Variants in NICN1 observed in about 807,000 individuals in gnomAD.
NICN1 encodes the protein nicolin-1.
In NICN1, 18 loss-of-function variants were observed where a neutral mutation model predicts 26.3. The ratio of observed to expected loss-of-function variants is 0.68; its 90% CI spans 0.47 to 1.01. The LOEUF (loss-of-function observed/expected upper bound fraction) is 1.01. Ranked by LOEUF, NICN1 falls within the 50% of genes least tolerant of loss-of-function variation. The pLI is 0.00. For synonymous variants in NICN1, 109 were observed against 111.0 expected (o/e 0.98, Z 0.11); for missense variants, 239 against 278.3 (o/e 0.86, Z 1.00).
Position 49,422,935 on chromosome 3 carries a change from G to T in NICN1, c.*1898C>A. The T allele has an allele frequency of 3.5e-6, 1 of 287,710 alleles. No individual in the cohort carries two copies. Among genetic ancestry groups the T allele is most frequent in the Non-Finnish European group, 7.0e-6 (1 of 143,526 alleles). The allele number at this position is 287,710 out of a possible 1,614,324, so 17.8% of individuals were successfully genotyped here. ...CTCTCCCACCAGGCAGACACAGGCA[G>T]CCAGCAGTCATGCATTCCACAAGTA... is the stretch of plus-strand genomic sequence containing the variant. On this transcript the variant is annotated 3_prime_UTR_variant, in exon 6 of 6. Coordinates refer to ENST00000273598, the MANE Select transcript of NICN1 (RefSeq NM_032316.3).
In NICN1 at chr3:49,424,984, C is replaced by T. The variant is rs1374736804; in HGVS notation, c.565G>A (p.Ala189Thr). Residue 189 changes from alanine (A) to threonine (T), a missense_variant, in exon 5 of 6, where the codon GCC (alanine) becomes ACC (threonine). Physicochemically the swap from Ala to Thr is moderately conservative, Grantham distance 58. Coordinates refer to ENST00000273598, the MANE Select transcript of NICN1 (RefSeq NM_032316.3). ...CCGATCCTTGCGGAGGTGTGACTGGCCCGGATCATCTCTGTCAGTGCCCAC... is the reference window on the plus strand; with the variant it reads ...CCGATCCTTGCGGAGGTGTGACTGGTCCGGATCATCTCTGTCAGTGCCCAC... Reference protein sequence around the residue: ...QMWALTEMIRASHTSARIGRF... With the variant: ...QMWALTEMIRTSHTSARIGRF... The T allele has an allele frequency of 2.5e-6, 4 of 1,613,978 alleles. No individual in the cohort carries two copies. Among genetic ancestry groups the T allele is most frequent in the African/African-American group, 1.3e-5 (1 of 74,896 alleles).
chr3:49,424,687 G>T lies in NICN1; in HGVS notation c.*146C>A. The T allele has an allele frequency of 2.8e-6, 2 of 722,354 alleles. No homozygotes were observed. The highest frequency in any genetic ancestry group is 5.0e-6 in the Non-Finnish European group (2 of 401,824). 44.7% of individuals were successfully genotyped at this position (722,354 alleles called of 1,614,324 possible). On this transcript the variant is annotated 3_prime_UTR_variant, in exon 6 of 6. Transcript: ENST00000273598. ...CTGAAGTAACACGGTAAGCCCCTGA[G>T]AATCCTGAATCTGTGAATGTGGCCC...
In NICN1 at chr3:49,422,618, G is replaced by C; in HGVS notation, c.*2215C>G. 1 of 766,738 alleles carries C rather than the reference G, an allele frequency of 1.3e-6. No individual in the cohort carries two copies. The highest frequency in any genetic ancestry group is 2.3e-6 in the Non-Finnish European group (1 of 442,862). The allele number at this position is 766,738 out of a possible 1,614,324, so 47.5% of individuals were successfully genotyped here. ...GCTGGGATTTAGAGCAGAGAATGCA[G>C]GAACCCGCAACCACAGGGAAGAAGC... On this transcript the variant is annotated 3_prime_UTR_variant, in exon 6 of 6. Transcript: ENST00000273598.
In NICN1 at chr3:49,426,274, T is replaced by G; in HGVS notation, c.287A>C (p.Tyr96Ser). 1.4e-5 allele frequency: 22 copies of G among 1,614,140 alleles called. No homozygotes were observed. The highest frequency in any genetic ancestry group is 1.8e-5 in the Non-Finnish European group (21 of 1,180,024). The change falls in exon 2 of 6, where the codon TAT becomes TCT. Residue 96 changes from tyrosine (Y) to serine (S), a missense_variant. By Grantham distance (144) the Tyr-to-Ser change is moderately radical. Coordinates refer to ENST00000273598, the MANE Select transcript of NICN1 (RefSeq NM_032316.3). ...DPHSEEGAQE[Y>S]VSLFKHQMLC... is the part of the protein sequence containing the mutation. ...GACCTGATGCTTGAACAGCGATACATACTCCTGGGCTCCCTCCTCACTGTG... is the reference window on the plus strand; with the variant it reads ...GACCTGATGCTTGAACAGCGATACAGACTCCTGGGCTCCCTCCTCACTGTG...
In NICN1 at chr3:49,422,958, GTATT is replaced by G; in HGVS notation, c.*1871_*1874del. 1 of 272,332 alleles carries G rather than the reference GTATT, an allele frequency of 3.7e-6. No individual in the cohort carries two copies. Among genetic ancestry groups the G allele is most frequent in the Non-Finnish European group, 7.4e-6 (1 of 135,432 alleles). 16.9% of individuals were successfully genotyped at this position (272,332 alleles called of 1,614,324 possible). On this transcript the variant is annotated 3_prime_UTR_variant, in exon 6 of 6. Transcript: ENST00000273598. ...CAGCCAGCAGTCATGCATTCCACAA[GTATT>G]TATTGATCTTACTGCATACCAGGCC...
In NICN1 at chr3:49,424,759, A is replaced by C; in HGVS notation, c.*74T>G. On this transcript the variant is annotated 3_prime_UTR_variant, in exon 6 of 6. Transcript: ENST00000273598. ...AACACTTGGAATGCACAGGAAATAC[A>C]CTTCAGCCTCTGGTGGCCCAAACCA... 1 of 1,191,310 alleles carries C rather than the reference A, an allele frequency of 8.4e-7. No individual in the cohort carries two copies. The highest frequency in any genetic ancestry group is 1.3e-6 in the Non-Finnish European group (1 of 794,664). 73.8% of individuals were successfully genotyped at this position (1,191,310 alleles called of 1,614,324 possible). A position where few individuals can be genotyped will look rare whatever the true frequency, so the allele number is the denominator to read the frequency against.
chr3:49,425,207 C>T (rs977981994), intron 4 of NICN1, 154 bp from the exon 5 acceptor site: 2 of 820,876 alleles, frequency 2.4e-6, no homozygotes, highest in Non-Finnish European at 4.1e-6. Context: ...TGATGTAGCC[C>T]CACAACAGAG....
chr3:49,426,403 T>C lies in NICN1; in HGVS notation c.158A>G (p.Tyr53Cys). 1.2e-6 allele frequency: 2 copies of C among 1,614,138 alleles called. No homozygotes were observed. The highest frequency in any genetic ancestry group is 2.2e-5 in the South Asian group (2 of 91,086). Reference protein sequence around the residue: ...FELQEITFKNYYTAFLSIRVR... With the variant: ...FELQEITFKNCYTAFLSIRVR... ...ACGGATGCTCAAAAAAGCTGTGTAG[T>C]AATTCTTAAACGTGATTTCCTGCAA... The change falls in exon 2 of 6, where the codon TAC becomes TGC. Residue 53 changes from tyrosine to cysteine, a missense_variant. Coordinates refer to ENST00000273598, the MANE Select transcript of NICN1 (RefSeq NM_032316.3).
Position 49,422,938 on chromosome 3 carries a change from A to G in NICN1, c.*1895T>C. 1 of 289,092 alleles carries G rather than the reference A, an allele frequency of 3.5e-6. No homozygotes were observed. The highest frequency in any genetic ancestry group is 6.9e-6 in the Non-Finnish European group (1 of 144,358). 17.9% of individuals were successfully genotyped at this position (289,092 alleles called of 1,614,324 possible). Reference sequence around the variant, plus strand: ...TCCCACCAGGCAGACACAGGCAGCCAGCAGTCATGCATTCCACAAGTATTT... The same window carrying G: ...TCCCACCAGGCAGACACAGGCAGCCGGCAGTCATGCATTCCACAAGTATTT... On this transcript the variant is annotated 3_prime_UTR_variant, in exon 6 of 6. Transcript: ENST00000273598.
rs966478489 is a variant in NICN1 at position 49,425,555 on chromosome 3, T to A, written c.424-117A>T. 3 of 796,550 alleles carry A rather than the reference T, an allele frequency of 3.8e-6. No individual in the cohort carries two copies. The East Asian group carries it at 8.1e-5, about 21-fold the overall frequency. 49.3% of individuals were successfully genotyped at this position (796,550 alleles called of 1,614,324 possible). A position where few individuals can be genotyped will look rare whatever the true frequency, so the allele number is the denominator to read the frequency against. Reference sequence around the variant, plus strand: ...TGGGCCTCAGACACTGGGAAAACCCTGTTTAGGGAGCCCACAGAGACCTAA... The same window carrying A: ...TGGGCCTCAGACACTGGGAAAACCCAGTTTAGGGAGCCCACAGAGACCTAA... On this transcript the variant is annotated intron_variant, in intron 3 of 5. Transcript: ENST00000273598.
rs2049165762 is a variant in NICN1 at position 49,425,936 on chromosome 3, G to A, written c.370C>T (p.Leu124=). 6.2e-7 allele frequency: 1 copy of A among 1,612,136 alleles called. No homozygotes were observed. Among genetic ancestry groups the A allele is most frequent in the South Asian group, 1.1e-5 (1 of 90,998 alleles). Residue 124 remains leucine (L), a synonymous_variant, in exon 3 of 6, where the codon CTG becomes TTG. Transcript: ENST00000273598. ...TCCTCCACTGTGAAAGACAGCCACA[G>A]TGGTGATGGCTGCCGCAGAATCAGG... ...LRLILRQPSP[L]WLSFTVEELQ... is the part of the protein sequence containing the mutation.
In NICN1 at chr3:49,426,235, C is replaced by A. The variant is rs777595099; in HGVS notation, c.309+17G>T. The A allele has an allele frequency of 6.2e-7, 1 of 1,612,666 alleles. No homozygotes were observed. Among genetic ancestry groups the A allele is most frequent in the Non-Finnish European group, 8.5e-7 (1 of 1,179,288 alleles). ...TCCTCATCTGGGCTGCCCTGGCCAT[C>A]CTGAGGCCCAGCTGACCTGATGCTT... On this transcript the variant is annotated intron_variant, in intron 2 of 5. Transcript: ENST00000273598.
chr3:49,424,741 G>T lies in NICN1; in HGVS notation c.*92C>A. On this transcript the variant is annotated 3_prime_UTR_variant, in exon 6 of 6. Transcript: ENST00000273598. ...CAGAACAGGCATGCAGGCAACACTT[G>T]GAATGCACAGGAAATACACTTCAGC... 9.8e-7 allele frequency: 1 copy of T among 1,019,374 alleles called. No homozygotes were observed. The highest frequency in any genetic ancestry group is 1.6e-6 in the Non-Finnish European group (1 of 639,168). 63.1% of individuals were successfully genotyped at this position (1,019,374 alleles called of 1,614,324 possible). A position where few individuals can be genotyped will look rare whatever the true frequency, so the allele number is the denominator to read the frequency against.
In NICN1 at chr3:49,422,360, C is replaced by T; in HGVS notation, c.*2473G>A. ...TCCAAGATCAGCACCCTCTATCCCA[C>T]CTGTGCGCAACTAAGTGGACGACAC... is the stretch of plus-strand genomic sequence containing the variant. On this transcript the variant is annotated 3_prime_UTR_variant, in exon 6 of 6. Transcript: ENST00000273598. 6.2e-7 allele frequency: 1 copy of T among 1,613,892 alleles called. No individual in the cohort carries two copies. Among genetic ancestry groups the T allele is most frequent in the Non-Finnish European group, 8.5e-7 (1 of 1,179,992 alleles).
chr3:49,423,618 T>C lies in NICN1; in HGVS notation c.*1215A>G, dbSNP rs1263639698. The C allele has an allele frequency of 6.6e-6, 1 of 152,044 alleles. No homozygotes were observed. Among genetic ancestry groups the C allele is most frequent in the Non-Finnish European group, 1.5e-5 (1 of 68,006 alleles). 9.4% of individuals were successfully genotyped at this position (152,044 alleles called of 1,614,324 possible). A position where few individuals can be genotyped will look rare whatever the true frequency, so the allele number is the denominator to read the frequency against. On this transcript the variant is annotated 3_prime_UTR_variant, in exon 6 of 6. Coordinates refer to ENST00000273598, the MANE Select transcript of NICN1 (RefSeq NM_032316.3). ...CTACAAATACAAAATTAGCCAGGCATGGTGATGCATGACTGTAATCCCAGC... is the reference window on the plus strand; with the variant it reads ...CTACAAATACAAAATTAGCCAGGCACGGTGATGCATGACTGTAATCCCAGC...
At position 49,424,705 on chromosome 3, in the gene NICN1, T is replaced by C. The variant is rs181793435; in HGVS notation, c.*128A>G. The C allele has an allele frequency of 1.3e-6, 1 of 783,520 alleles. No individual in the cohort carries two copies. Among genetic ancestry groups the C allele is most frequent in the East Asian group, 2.5e-5 (1 of 39,878 alleles). 48.5% of individuals were successfully genotyped at this position (783,520 alleles called of 1,614,324 possible). A position where few individuals can be genotyped will look rare whatever the true frequency, so the allele number is the denominator to read the frequency against. ...CCCCTGAGAATCCTGAATCTGTGAATGTGGCCCAGACAGAACAGGCATGCA... is the reference window on the plus strand; with the variant it reads ...CCCCTGAGAATCCTGAATCTGTGAACGTGGCCCAGACAGAACAGGCATGCA... On this transcript the variant is annotated 3_prime_UTR_variant, in exon 6 of 6. Coordinates refer to ENST00000273598, the MANE Select transcript of NICN1 (RefSeq NM_032316.3).
In NICN1 at chr3:49,425,992, A is replaced by G. The variant is rs146247089; in HGVS notation, c.314T>C (p.Leu105Pro). ...EYVSLFKHQM[L>P]CDMARISELR... ...CTCCGATATTCTAGCCATGTCACAC[A>G]GCATCTGACACACACACACAAGGAC... The change falls in exon 3 of 6, where the codon CTG (leucine) becomes CCG (proline). Residue 105 changes from leucine to proline, a missense_variant. Physicochemically the swap from Leu to Pro is moderately conservative, Grantham distance 98. Coordinates refer to ENST00000273598, the MANE Select transcript of NICN1 (RefSeq NM_032316.3). The G allele has an allele frequency of 1.9e-5, 31 of 1,592,960 alleles. No individual in the cohort carries two copies. Among genetic ancestry groups the G allele is most frequent in the Non-Finnish European group, 2.5e-5 (29 of 1,161,520 alleles).
At chr3:49,425,099 G>A in intron 4 of NICN1, 46 bp from the exon 5 acceptor site, 1 of 1,518,098 alleles carries the variant, frequency 6.6e-7, no homozygotes, top group Non-Finnish European at 9.1e-7. Context: ...CTCCCCAGCA[G>A]TGCCCTTCAG....
Position 49,429,192 on chromosome 3 carries a change from G to C in NICN1, c.48C>G (p.Leu16=), listed in dbSNP as rs568625671. The change falls in exon 1 of 6, where the codon CTC becomes CTG. Residue 16 remains leucine, a synonymous_variant. Transcript: ENST00000273598. ...VPCHVKGSVA[L]QVGDVRTSQG... The stretch of plus-strand genomic sequence containing the variant: ...GGGAGGTCCGCACGTCGCCCACCTG[G>C]AGGGCTACGGAGCCTTTCACATGGC... 2.5e-5 allele frequency: 40 copies of C among 1,611,480 alleles called. No homozygotes were observed. In the African/African-American group the frequency reaches 4.1e-4, roughly 17 times the overall value.
Sources: allele counts gnomAD v4.1 joint callset, GRCh38; gene constraint gnomAD v4.1.1; transcripts MANE v1.5; gene names NCBI Gene and HGNC (gene_info 2026-07-23, HGNC 2026-07-21).